Variants in RNGTT observed in about 807,000 individuals in gnomAD.
RNGTT encodes the protein RNA guanylyltransferase and 5'-phosphatase.
RNGTT carries 33 observed loss-of-function variants against 79.3 expected under a neutral mutation model. The observed-to-expected ratio is 0.42, with a 90% confidence interval of 0.32 to 0.56. The LOEUF is 0.56. RNGTT is among the 20% of genes least tolerant of loss of function. RNGTT has a pLI of 0.17. For synonymous variants in RNGTT, 222 were observed against 235.9 expected (o/e 0.94, Z 0.54); for missense variants, 497 against 739.1 (o/e 0.67, Z 3.80).
chr6:88,672,130 A>C (rs957030485), intron 14 of RNGTT, among the ~76,000 whole-genome samples: 1 of 151,984 alleles, frequency 6.6e-6, no homozygotes. Flanking sequence ...TAAACTAAAA[A>C]GTTTCTGTAC....
At chr6:88,833,173 C>T (rs1780935182) in intron 11 of RNGTT, among the ~76,000 whole-genome samples, 1 of 152,114 alleles carries the variant, frequency 6.6e-6, no homozygotes, top group Non-Finnish European at 1.5e-5. Flanking sequence ...TGGAACCAAC[C>T]CAAATGCCCA....
intron 14 of RNGTT, among the ~76,000 whole-genome samples, chr6:88,666,702 G>A (rs2610717): frequency 0.12 from 17,652 of 152,226 alleles, 3,448 homozygotes; most frequent in African/African-American, 0.4. Context: ...ACTGGGAGCT[G>A]TATGTGGACG....
rs185922383 is a variant in RNGTT, at chr6:88,830,864, T to C, written c.1269+13493A>G. On this transcript the variant is annotated intron_variant, in intron 11 of 15. Transcript: ENST00000369485. Reference sequence around the variant, plus strand: ...AGAAATGGATAAATTCCTCGACACATACACTCTCCCAAGACTAAACCAGGA... The same window carrying C: ...AGAAATGGATAAATTCCTCGACACACACACTCTCCCAAGACTAAACCAGGA... Among the ~76,000 whole-genome samples, 319 of 152,238 alleles carry C rather than the reference T, an allele frequency of 2.1e-3. 1 individual carries two copies. The highest frequency in any genetic ancestry group is 6.8e-3 in the Middle Eastern group (2 of 294).
chr6:88,715,990 T>A (rs1776496759), intron 13 of RNGTT, among the ~76,000 whole-genome samples: 1 of 151,906 alleles, frequency 6.6e-6, no homozygotes, highest in Non-Finnish European at 1.5e-5. Context: ...CTAAAGAGCT[T>A]CTGCACGGCA....
At chr6:88,754,609 C>A (rs547763286) in intron 13 of RNGTT, among the ~76,000 whole-genome samples, 102 of 152,294 alleles carry the variant, frequency 6.7e-4, no homozygotes, top group Non-Finnish European at 1.4e-3. Context: ...GGCCCCTAAA[C>A]TGGCCATAAA....
chr6:88,748,919 T>C (rs1045275589), intron 13 of RNGTT, among the ~76,000 whole-genome samples: 1 of 151,148 alleles, frequency 6.6e-6, no homozygotes, highest in Non-Finnish European at 1.5e-5. Flanking sequence ...AAATCTACAG[T>C]ACATCAAATA....
chr6:88,779,153 G>T (rs981089095), intron 12 of RNGTT, among the ~76,000 whole-genome samples: 1 of 152,142 alleles, frequency 6.6e-6, no homozygotes, highest in East Asian at 1.9e-4. Flanking sequence ...GTCAAAAAAA[G>T]TAAGGGGAGA....
intron 2 of RNGTT, among the ~76,000 whole-genome samples, chr6:88,936,443 G>C (rs561708491): frequency 3.3e-4 from 51 of 152,302 alleles, no homozygotes; most frequent in African/African-American, 1.2e-3. Flanking sequence ...GGACATCCTT[G>C]TCTTGTTCTA....
At chr6:88,885,524 T>C (rs62429021) in intron 8 of RNGTT, among the ~76,000 whole-genome samples, 18,764 of 152,224 alleles carry the variant, frequency 0.12, 1,266 homozygotes, top group Middle Eastern at 0.22. Context: ...GGGAAAGTTC[T>C]TCCTAAGAGC....
At chr6:88,730,649 C>T (rs563533714) in intron 13 of RNGTT, among the ~76,000 whole-genome samples, 2 of 152,364 alleles carry the variant, frequency 1.3e-5, no homozygotes, top group East Asian at 1.9e-4. Context: ...CCTCCTGCTG[C>T]GCAGCCCAGT....
At chr6:88,929,632 C>G (rs912870166) in intron 2 of RNGTT, among the ~76,000 whole-genome samples, 1 of 152,014 alleles carries the variant, frequency 6.6e-6, no homozygotes, top group Non-Finnish European at 1.5e-5. Flanking sequence ...GAGGCTAGAG[C>G]AGGAATGGCA....
At chr6:88,675,588 CT>C (rs1487408932) in intron 14 of RNGTT, among the ~76,000 whole-genome samples, 5 of 152,014 alleles carry the variant, frequency 3.3e-5, no homozygotes, top group Non-Finnish European at 5.9e-5. Context: ...GAAAGGAGAA[CT>C]GTCCTTATTA....
intron 14 of RNGTT, among the ~76,000 whole-genome samples, chr6:88,636,118 T>G (rs1302560946): frequency 1.3e-5 from 2 of 152,066 alleles, no homozygotes; most frequent in Non-Finnish European, 2.9e-5. Flanking sequence ...ACTACAATTC[T>G]TCTACCATTA....
chr6:88,771,348 TATACACACAC>T (rs1187514938), intron 12 of RNGTT, among the ~76,000 whole-genome samples: 27 of 128,810 alleles, frequency 2.1e-4, no homozygotes, highest in African/African-American at 7.9e-4. Flanking sequence ...TATATATATA[TATACACACAC>T]ACACACACAC....
chr6:88,777,639 G>A (rs1778932408), intron 12 of RNGTT, among the ~76,000 whole-genome samples: 1 of 152,098 alleles, frequency 6.6e-6, no homozygotes, highest in Non-Finnish European at 1.5e-5. Flanking sequence ...AAATGTAACT[G>A]ATTTCTGTAT....
Position 88,849,823 on chromosome 6 carries a change from T to C in RNGTT, c.1036A>G (p.Met346Val). Reference sequence around the variant, plus strand: ...TGTCCATTTACTCTGTCAATAATCATCTCCTTGAAAGAGAAAAGAAGGTAA... The same window carrying C: ...TGTCCATTTACTCTGTCAATAATCACCTCCTTGAAAGAGAAAAGAAGGTAA... ...HLSNTLLDGE[M>V]IIDRVNGQAV... Residue 346 changes from methionine (M) to valine (V), a missense_variant, in exon 10 of 16, where the codon ATG becomes GTG. Met to Val is a conservative substitution (Grantham distance 21). Around this residue, in one of 3 missense-constraint regions of RNGTT, gnomAD observed 440 missense variants for 671.5 expected, o/e 0.66. Coordinates refer to ENST00000369485, the MANE Select transcript of RNGTT (RefSeq NM_003800.5). 1.3e-6 allele frequency: 2 copies of C among 1,555,360 alleles called. No homozygotes were observed. The highest frequency in any genetic ancestry group is 1.7e-6 in the Non-Finnish European group (2 of 1,153,750).
chr6:88,632,114 C>T (rs909563764), intron 14 of RNGTT, among the ~76,000 whole-genome samples: 9 of 152,112 alleles, frequency 5.9e-5, no homozygotes, highest in African/African-American at 2.2e-4. Flanking sequence ...GCGTGTGCCA[C>T]CACACTTGGC....
rs757086271 is a variant in RNGTT at position 88,612,769 on chromosome 6, T to C, written c.1744A>G (p.Thr582Ala). Residue 582 changes from threonine (T) to alanine (A), a missense_variant, in exon 16 of 16, where the codon ACG becomes GCG. This residue lies in a region of RNGTT where 53 missense variants were observed against 50.5 expected (regional missense o/e 1.05). Coordinates refer to ENST00000369485, the MANE Select transcript of RNGTT (RefSeq NM_003800.5). ...GGAGGTGGTGGTGGCATGAGCTCCG[T>C]GTCAGGGTCCAGATGATGTTTTCGC... ...QKRKHHLDPDTELMPPPPPKR... is the reference protein window; with the variant it reads ...QKRKHHLDPDAELMPPPPPKR... 2 of 1,613,392 alleles carry C rather than the reference T, an allele frequency of 1.2e-6. No individual in the cohort carries two copies. The highest frequency in any genetic ancestry group is 1.7e-6 in the Non-Finnish European group (2 of 1,179,934).
intron 14 of RNGTT, among the ~76,000 whole-genome samples, chr6:88,661,591 T>C (rs1774186694): frequency 6.6e-6 from 1 of 152,122 alleles, no homozygotes; most frequent in Non-Finnish European, 1.5e-5. Flanking sequence ...GATAAATTCC[T>C]GGAAATATAC....
Sources: allele counts gnomAD v4.1 joint callset (sites outside exome capture counted in the v4.1 genomes callset), GRCh38; gene constraint gnomAD v4.1.1; regional missense constraint gnomAD v4.1.1; transcripts MANE v1.5; gene names NCBI Gene and HGNC (gene_info 2026-07-23, HGNC 2026-07-21).